The following NRXN3 variants were observed in gnomAD, a reference collection of about 807,000 sequenced individuals.
NRXN3 encodes neurexin 3.
A neutral mutation model predicts 137.6 loss-of-function variants in NRXN3; 32 were observed. The observed-to-expected ratio is 0.23, with a 90% CI of 0.18 to 0.31. The LOEUF is 0.31. Ranked by LOEUF, NRXN3 falls within the 10% of genes least tolerant of loss-of-function variation. The pLI is 1.00. For missense variants in NRXN3, 1,574 were observed against 2,062.5 expected, an observed-to-expected ratio of 0.76 and a Z score of 4.59; for synonymous variants, 798 against 784.5, an observed-to-expected ratio of 1.02 and a Z score of -0.29.
chr14:78,589,474 A>G (rs1334378823), intron 4 of NRXN3, among the ~76,000 whole-genome samples: 1 of 152,184 alleles, frequency 6.6e-6, no homozygotes, highest in Non-Finnish European at 1.5e-5. Context: ...TCCCCTCTTC[A>G]AAGCCCAGTT....
Position 79,026,811 on chromosome 14 carries a change from C to T in NRXN3, c.3262+38670C>T, listed in dbSNP as rs577775363. 4.0e-5 allele frequency among the ~76,000 whole-genome samples: 6 copies of T among 151,722 alleles called. No individual in the cohort carries two copies. In the South Asian group the frequency reaches 1.2e-3, roughly 32 times the overall value. The stretch of plus-strand genomic sequence containing the variant: ...ATCACCTCAAATCACACACAGGAAC[C>T]CTGCTTCTGAAAAGTGGCACTTGGG... On this transcript the variant is annotated intron_variant, in intron 15 of 20. Transcript: ENST00000335750.
intron 15 of NRXN3, among the ~76,000 whole-genome samples, chr14:79,457,065 G>A (rs2096267916): frequency 6.7e-6 from 1 of 149,310 alleles, no homozygotes; most frequent in African/African-American, 2.5e-5. Context: ...AAAAAAAAAA[G>A]TTCATTGAAG....
chr14:78,858,127 T>G (rs943839642), intron 10 of NRXN3, among the ~76,000 whole-genome samples: 2 of 152,172 alleles, frequency 1.3e-5, no homozygotes, highest in African/African-American at 4.8e-5. Context: ...TGTGTTGCCC[T>G]TTCTCTCTGC....
chr14:78,879,722 T>C (rs2099123110), intron 10 of NRXN3, among the ~76,000 whole-genome samples: 3 of 152,210 alleles, frequency 2.0e-5, no homozygotes, highest in Admixed American at 1.3e-4. Context: ...CTCCTTGCAC[T>C]AGACACACTC....
intron 4 of NRXN3, among the ~76,000 whole-genome samples, chr14:78,518,988 G>A (rs1334015233): frequency 6.6e-6 from 1 of 152,064 alleles, no homozygotes; most frequent in Non-Finnish European, 1.5e-5. Flanking sequence ...TCAAAGAGTA[G>A]GACAGTCAAC....
At chr14:79,302,920 A>G (rs554244255) in intron 15 of NRXN3, among the ~76,000 whole-genome samples, 154 of 152,022 alleles carry the variant, frequency 1.0e-3, no homozygotes, top group African/African-American at 3.6e-3. Flanking sequence ...CAAGCCATTC[A>G]TGAGGGATCT....
At chr14:78,264,262 G>A (rs1483490018) in intron 2 of NRXN3, among the ~76,000 whole-genome samples, 3 of 152,110 alleles carry the variant, frequency 2.0e-5, no homozygotes, top group Non-Finnish European at 4.4e-5. Flanking sequence ...CCTCCTTCTA[G>A]CTTCTGCTTC....
intron 15 of NRXN3, among the ~76,000 whole-genome samples, chr14:79,243,330 G>A (rs2074603139): frequency 6.6e-6 from 1 of 152,142 alleles, no homozygotes; most frequent in Non-Finnish European, 1.5e-5. Flanking sequence ...ATAAGCAACT[G>A]GCTCAGCTAG....
At chr14:79,259,004 C>G (rs2077157607) in intron 15 of NRXN3, among the ~76,000 whole-genome samples, 1 of 152,154 alleles carries the variant, frequency 6.6e-6, no homozygotes, top group East Asian at 1.9e-4. Flanking sequence ...CTTTGAGAGA[C>G]AGTGTGGTCA....
chr14:79,847,775 A>G (rs1246794792), intron 20 of NRXN3, among the ~76,000 whole-genome samples: 6 of 152,166 alleles, frequency 3.9e-5, no homozygotes, highest in African/African-American at 1.2e-4. Context: ...TGAGGACATA[A>G]AGGAACAGAG....
At chr14:78,259,302 A>G (rs747021872) in intron 2 of NRXN3, among the ~76,000 whole-genome samples, 6 of 152,240 alleles carry the variant, frequency 3.9e-5, no homozygotes, top group Non-Finnish European at 8.8e-5. Context: ...TCTGAAAGAA[A>G]CAAACGCAGA....
chr14:78,489,303 C>T (rs773358702), intron 4 of NRXN3, among the ~76,000 whole-genome samples: 16 of 152,292 alleles, frequency 1.1e-4, no homozygotes, highest in Non-Finnish European at 1.6e-4. Context: ...TTCATCTCCA[C>T]GCCTCTGTGA....
At chr14:78,575,227 T>C (rs1362601566) in intron 4 of NRXN3, among the ~76,000 whole-genome samples, 2 of 152,198 alleles carry the variant, frequency 1.3e-5, no homozygotes, top group East Asian at 3.9e-4. Flanking sequence ...AATTACCTAG[T>C]CTCAGGTATT....
At chr14:78,204,324 GTGGTGTGAGGAAAAAATATGTT>G (rs1266873949) in intron 1 of NRXN3, among the ~76,000 whole-genome samples, 2 of 151,928 alleles carry the variant, frequency 1.3e-5, no homozygotes, top group African/African-American at 2.4e-5. Flanking sequence ...GGGTTCTTCA[GTGGTGTGAGGAAAAAATATGTT>G]TGCCACCTTG....
At chr14:78,950,444 A>G (rs752217884) in intron 10 of NRXN3, among the ~76,000 whole-genome samples, 10 of 152,192 alleles carry the variant, frequency 6.6e-5, no homozygotes, top group South Asian at 6.2e-4. Context: ...CTCTCAGCCA[A>G]GATGAATGGG....
Position 78,242,814 on chromosome 14 carries a change from C to T in NRXN3, c.-280C>T, listed in dbSNP as rs1273961495. On this transcript the variant is annotated 5_prime_UTR_variant, in exon 2 of 21. Transcript: ENST00000335750. The stretch of plus-strand genomic sequence containing the variant: ...AGACGCTTTCCTCTTTACTCCAGTC[C>T]CTCACTTCCCCACCTGATTTTCCTC... 4.5e-6 allele frequency: 2 copies of T among 445,600 alleles called. No individual in the cohort carries two copies. Among genetic ancestry groups the T allele is most frequent in the East Asian group, 6.9e-5 (2 of 28,880 alleles). The allele number at this position is 445,600 out of a possible 1,614,324, so 27.6% of individuals were successfully genotyped here. A position where few individuals can be genotyped will look rare whatever the true frequency, so the allele number is the denominator to read the frequency against.
chr14:79,037,112 G>C (rs1291347996), intron 15 of NRXN3, among the ~76,000 whole-genome samples: 1 of 152,048 alleles, frequency 6.6e-6, no homozygotes, highest in Non-Finnish European at 1.5e-5. Flanking sequence ...GGAAGGGAGT[G>C]CTCTAGCTTC....
chr14:79,849,853 C>T (rs2099388084), intron 20 of NRXN3, among the ~76,000 whole-genome samples: 2 of 152,236 alleles, frequency 1.3e-5, no homozygotes, highest in East Asian at 1.9e-4. Flanking sequence ...TTCCTTCACC[C>T]CTTTTCTGAG....
chr14:78,537,123 G>A (rs1162977704), intron 4 of NRXN3, among the ~76,000 whole-genome samples: 6 of 152,184 alleles, frequency 3.9e-5, no homozygotes, highest in Non-Finnish European at 5.9e-5. Context: ...TATATACCCA[G>A]TTATGGGATT....
Sources: gnomAD v4.1 joint callset for allele counts (sites outside exome capture counted in the v4.1 genomes callset) on GRCh38, gnomAD v4.1.1 for gene constraint, MANE v1.5 for transcripts, NCBI Gene and HGNC (gene_info 2026-07-23, HGNC 2026-07-21) for gene names.